Variants in RNF157 observed in about 807,000 individuals in gnomAD.
RNF157 encodes E3 ubiquitin ligase RNF157.
In RNF157, 55 loss-of-function variants were observed where a neutral mutation model predicts 88.3. The observed-to-expected ratio is 0.62, with a 90% CI of 0.50 to 0.78. RNF157 has a LOEUF of 0.78. RNF157 is among the 30% of genes least tolerant of loss of function. RNF157 has a pLI of 0.00. For synonymous variants in RNF157, 334 were observed against 341.2 expected (o/e 0.98, Z 0.23); for missense variants, 788 against 860.8 (o/e 0.92, Z 1.06).
chr17:76,239,476 G>C (rs761722047), intron 1 of RNF157, among the ~76,000 whole-genome samples: 12 of 152,086 alleles, frequency 7.9e-5, no homozygotes, highest in Non-Finnish European at 1.2e-4. Context: ...GCTAGCAAAG[G>C]GGCAATCCGA....
chr17:76,216,158 A>G (rs1295951995), intron 1 of RNF157, among the ~76,000 whole-genome samples: 1 of 152,146 alleles, frequency 6.6e-6, no homozygotes, highest in Admixed American at 6.6e-5. Flanking sequence ...AGAAAGGGAG[A>G]GAAGAGAGTT....
chr17:76,221,959 T>C (rs2069990693), intron 1 of RNF157, among the ~76,000 whole-genome samples: 1 of 152,174 alleles, frequency 6.6e-6, no homozygotes, highest in South Asian at 2.1e-4. Context: ...ATATGAAATA[T>C]CCAGATAGGT....
intron 1 of RNF157, among the ~76,000 whole-genome samples, chr17:76,228,866 G>A (rs2070140256): frequency 6.6e-6 from 1 of 152,086 alleles, no homozygotes; most frequent in Non-Finnish European, 1.5e-5. Context: ...AGAGGTTGCA[G>A]TGAGCTGAGA....
Position 76,173,785 on chromosome 17 carries a change from A to G in RNF157, c.213T>C (p.Pro71=). The G allele has an allele frequency of 6.2e-7, 1 of 1,608,394 alleles. No individual in the cohort carries two copies. The highest frequency in any genetic ancestry group is 1.1e-5 in the South Asian group (1 of 90,154). ...NFLGNRPVVF[P]YAAPPPQEPV... is the part of the protein sequence containing the mutation. Reference sequence around the variant, plus strand: ...GTTCTTGGGGAGGTGGGGCGGCGTAAGGAAACTGTGTCAGAAACAAAGCAG... The same window carrying G: ...GTTCTTGGGGAGGTGGGGCGGCGTAGGGAAACTGTGTCAGAAACAAAGCAG... The change falls in exon 3 of 19, where the codon CCT becomes CCC. Residue 71 remains proline (P), a synonymous_variant. Transcript: ENST00000269391.
At chr17:76,233,603 T>C (rs2070232489) in intron 1 of RNF157, among the ~76,000 whole-genome samples, 1 of 152,174 alleles carries the variant, frequency 6.6e-6, no homozygotes, top group African/African-American at 2.4e-5. Context: ...AGTGGCACAA[T>C]CATAGCTCAC....
intron 1 of RNF157, chr17:76,225,760 C>A: frequency 6.5e-7 from 1 of 1,529,318 alleles, no homozygotes; most frequent in Non-Finnish European, 8.7e-7. Flanking sequence ...ACTAGGGGAC[C>A]CTTTTCTTCC....
At chr17:76,204,195 A>G (rs1352806707) in intron 2 of RNF157, among the ~76,000 whole-genome samples, 3 of 152,152 alleles carry the variant, frequency 2.0e-5, no homozygotes, top group Non-Finnish European at 4.4e-5. Flanking sequence ...CTGAGCGCCA[A>G]AAGCACACTT....
chr17:76,240,117 T>A lies in RNF157; in HGVS notation c.88+36A>T. The A allele has an allele frequency of 8.1e-7, 1 of 1,230,064 alleles. No homozygotes were observed. Among genetic ancestry groups the A allele is most frequent in the Non-Finnish European group, 1.0e-6 (1 of 966,090 alleles). The allele number at this position is 1,230,064 out of a possible 1,614,324, so 76.2% of individuals were successfully genotyped here. ...ACCCAGACCCCTGCCCCTGCCCCTCTCCCTCCTCGCGGCTGCGGCGCCCGC... is the reference window on the plus strand; with the variant it reads ...ACCCAGACCCCTGCCCCTGCCCCTCACCCTCCTCGCGGCTGCGGCGCCCGC... On this transcript the variant is annotated intron_variant, in intron 1 of 18. Coordinates refer to ENST00000269391, the MANE Select transcript of RNF157 (RefSeq NM_052916.3). The surrounding 1 kb of genome is among the most constrained non-coding windows in gnomAD (Gnocchi z 4.4).
At chr17:76,201,525 G>T (rs2069578464) in intron 2 of RNF157, among the ~76,000 whole-genome samples, 1 of 151,590 alleles carries the variant, frequency 6.6e-6, no homozygotes, top group Non-Finnish European at 1.5e-5. Context: ...AAAAAATAAA[G>T]AAAATTTTAG....
At chr17:76,228,671 C>T (rs1035731898) in intron 1 of RNF157, among the ~76,000 whole-genome samples, 1 of 152,150 alleles carries the variant, frequency 6.6e-6, no homozygotes, top group Non-Finnish European at 1.5e-5. Flanking sequence ...ACCTGTAATC[C>T]CAGCACTTTG....
intron 6 of RNF157, 138 bp from the exon 7 acceptor site, chr17:76,165,683 C>CTT (rs35164451): frequency 4.8e-3 from 3,150 of 650,540 alleles, no homozygotes; most frequent in East Asian, 0.027. Context: ...ATAACCCATA[C>CTT]TTTTTTTTTT....
At chr17:76,168,188 C>T (rs546309875) in intron 3 of RNF157, among the ~76,000 whole-genome samples, 1 of 152,164 alleles carries the variant, frequency 6.6e-6, no homozygotes, top group Non-Finnish European at 1.5e-5. Context: ...ACTTGGGTTA[C>T]TACTTCTTGA....
Position 76,145,200 on chromosome 17 carries a change from G to T in RNF157, c.*35C>A. The T allele has an allele frequency of 7.2e-7, 1 of 1,395,632 alleles. No individual in the cohort carries two copies. Among genetic ancestry groups the T allele is most frequent in the South Asian group, 1.2e-5 (1 of 84,298 alleles). 86.5% of individuals were successfully genotyped at this position (1,395,632 alleles called of 1,614,324 possible). A position where few individuals can be genotyped will look rare whatever the true frequency, so the allele number is the denominator to read the frequency against. On this transcript the variant is annotated 3_prime_UTR_variant, in exon 19 of 19. Transcript: ENST00000269391. ...GCTGAGTGAGGATGGATGGAATGCA[G>T]GGCAGGAGGGGAGCCCAAGTGCAGA... is the stretch of plus-strand genomic sequence containing the variant.
rs146564714 is a variant in RNF157 at position 76,165,817 on chromosome 17, T to C, written c.629-272A>G. Among the ~76,000 whole-genome samples the C allele has an allele frequency of 7.9e-3, 1,189 of 151,250 alleles. 10 individuals carry two copies. The highest frequency in any genetic ancestry group is 0.027 in the African/African-American group (1,125 of 41,136). Reference sequence around the variant, plus strand: ...TCAGCCTCCCAAGTATCTGGGATTATACGCATGAGCCACCATGCCCGGTTA... The same window carrying C: ...TCAGCCTCCCAAGTATCTGGGATTACACGCATGAGCCACCATGCCCGGTTA... On this transcript the variant is annotated intron_variant, in intron 6 of 18. Coordinates refer to ENST00000269391, the MANE Select transcript of RNF157 (RefSeq NM_052916.3).
At chr17:76,230,427 G>A (rs1219506114) in intron 1 of RNF157, among the ~76,000 whole-genome samples, 1 of 152,180 alleles carries the variant, frequency 6.6e-6, no homozygotes, top group Non-Finnish European at 1.5e-5. Flanking sequence ...TCTATGCAAA[G>A]CATCCTGAGT....
At chr17:76,155,210 T>C in intron 16 of RNF157, 42 bp downstream of exon 16, 2 of 1,578,700 alleles carry the variant, frequency 1.3e-6, no homozygotes, top group Non-Finnish European at 1.7e-6. Context: ...AGCACTCCTC[T>C]GGTTGTGGGA....
At chr17:76,155,076 C>G (rs139733689) in intron 16 of RNF157, among the ~76,000 whole-genome samples, 176 bp downstream of exon 16, 1 of 152,246 alleles carries the variant, frequency 6.6e-6, no homozygotes, top group Non-Finnish European at 1.5e-5. Flanking sequence ...TCCACAGGCC[C>G]GGGAGCAGCT....
intron 2 of RNF157, among the ~76,000 whole-genome samples, chr17:76,200,871 G>A (rs2069564179): frequency 6.6e-6 from 1 of 152,070 alleles, no homozygotes; most frequent in Admixed American, 6.5e-5. Flanking sequence ...ATTACTGCAT[G>A]TTGGCACCAA....
chr17:76,239,274 A>C (rs1424463780), intron 1 of RNF157, among the ~76,000 whole-genome samples: 1 of 152,174 alleles, frequency 6.6e-6, no homozygotes, highest in Non-Finnish European at 1.5e-5. Context: ...TGCTCACATA[A>C]CTGAACTACC....
Sources: allele counts gnomAD v4.1 joint callset (sites outside exome capture counted in the v4.1 genomes callset), GRCh38; gene constraint gnomAD v4.1.1; non-coding constraint Gnocchi (gnomAD v3.1); transcripts MANE v1.5; gene names NCBI Gene and HGNC (gene_info 2026-07-23, HGNC 2026-07-21).